Variants in ESRRG observed in about 807,000 individuals in gnomAD.
ESRRG encodes estrogen-related receptor gamma.
In ESRRG, 13 loss-of-function variants were observed where a neutral mutation model predicts 44.0. The observed-to-expected ratio is 0.30, with a 90% CI of 0.19 to 0.47. The LOEUF (loss-of-function observed/expected upper bound fraction) is 0.47, where lower values mean the gene tolerates loss of function less well. Among genes scored for constraint, ESRRG ranks in the 20% least tolerant of loss-of-function variants. The pLI, the probability that ESRRG is intolerant of heterozygous loss-of-function variation, is 1.00. For missense variants in ESRRG, 395 were observed against 580.6 expected, an observed-to-expected ratio of 0.68 and a Z score of 3.29; for synonymous variants, 215 against 214.6, an observed-to-expected ratio of 1.00 and a Z score of -0.02.
intron 2 of ESRRG, among the ~76,000 whole-genome samples, chr1:216,850,400 G>T (rs1391128512): frequency 6.6e-6 from 1 of 151,904 alleles, no homozygotes; most frequent in East Asian, 1.9e-4. Flanking sequence ...TATTATTTTT[G>T]GTGTGAGTGA....
chr1:217,088,242 A>G (rs1009291877), intron 1 of ESRRG, among the ~76,000 whole-genome samples: 6 of 152,138 alleles, frequency 3.9e-5, no homozygotes, highest in Non-Finnish European at 5.9e-5. Flanking sequence ...AACTAGACCA[A>G]GTCATTCAGC....
intron 2 of ESRRG, among the ~76,000 whole-genome samples, chr1:216,735,856 G>A (rs980460932): frequency 2.0e-5 from 3 of 151,518 alleles, no homozygotes; most frequent in African/African-American, 4.8e-5. Flanking sequence ...GTGCACCCCT[G>A]TAATCCCAAC....
intron 2 of ESRRG, among the ~76,000 whole-genome samples, chr1:216,875,333 C>G (rs1484176530): frequency 6.6e-6 from 1 of 152,164 alleles, no homozygotes; most frequent in Non-Finnish European, 1.5e-5. Flanking sequence ...ACCTGATCTA[C>G]ATATAAAGTA....
chr1:217,006,219 CTTAAAAA>C lies in ESRRG; in HGVS notation c.-105-66553_-105-66547del, dbSNP rs2077713867. 2.0e-5 allele frequency among the ~76,000 whole-genome samples: 3 copies of C among 152,092 alleles called. 1 individual carries two copies. The South Asian group carries it at 6.2e-4, about 32-fold the overall frequency. ...ATGCTAAGAATGAATTTATAAATCA[CTTAAAAA>C]TGTTAAAAAGTAAAATGTAACTGAA... On this transcript the variant is annotated intron_variant, in intron 1 of 7. Coordinates refer to the ESRRG transcript ENST00000359162.
At chr1:217,030,304 A>G (rs2081890117) in intron 1 of ESRRG, among the ~76,000 whole-genome samples, 1 of 152,190 alleles carries the variant, frequency 6.6e-6, no homozygotes, top group South Asian at 2.1e-4. Flanking sequence ...GCAGCAGACC[A>G]TAAGTAGAAC....
At chr1:216,781,931 A>G (rs547867045) in intron 2 of ESRRG, among the ~76,000 whole-genome samples, 378 of 152,146 alleles carry the variant, frequency 2.5e-3, no homozygotes, top group African/African-American at 8.6e-3. Flanking sequence ...TCTGATTGAA[A>G]AGTCTGAAGG....
intron 1 of ESRRG, among the ~76,000 whole-genome samples, chr1:216,687,290 G>A (rs1359218126): frequency 1.3e-5 from 2 of 151,992 alleles, no homozygotes; most frequent in South Asian, 2.1e-4. Context: ...AGGCGTTGGC[G>A]GAAGGGCAAT....
At chr1:216,513,255 T>C (rs2043239283) in intron 6 of ESRRG, among the ~76,000 whole-genome samples, 1 of 152,098 alleles carries the variant, frequency 6.6e-6, no homozygotes. Context: ...TGGTCTCTTC[T>C]AGAAAGTAAT....
intron 1 of ESRRG, among the ~76,000 whole-genome samples, chr1:216,694,346 T>G (rs542695181): frequency 3.9e-5 from 6 of 152,018 alleles, no homozygotes; most frequent in African/African-American, 9.7e-5. Flanking sequence ...GAGGGGGTGG[T>G]GCTGAAGAAT....
chr1:216,735,713 G>A (rs528922536), intron 2 of ESRRG, among the ~76,000 whole-genome samples: 20 of 152,018 alleles, frequency 1.3e-4, no homozygotes, highest in South Asian at 8.4e-4. Context: ...GGGAGTGGTG[G>A]TTCATGCCTG....
At chr1:217,044,459 C>T (rs1001869632) in intron 1 of ESRRG, among the ~76,000 whole-genome samples, 2 of 152,142 alleles carry the variant, frequency 1.3e-5, no homozygotes, top group Non-Finnish European at 2.9e-5. Context: ...TAATGTGACC[C>T]ATTCCTGGAA....
At chr1:216,573,237 T>A (rs926572408) in intron 3 of ESRRG, among the ~76,000 whole-genome samples, 3 of 151,964 alleles carry the variant, frequency 2.0e-5, no homozygotes, top group Non-Finnish European at 4.4e-5. Context: ...TTATCTTAAA[T>A]CCTTTATCTT....
At chr1:216,640,984 C>A (rs929434501) in intron 3 of ESRRG, among the ~76,000 whole-genome samples, 1 of 152,120 alleles carries the variant, frequency 6.6e-6, no homozygotes, top group Non-Finnish European at 1.5e-5. Flanking sequence ...CTAAATCCAT[C>A]AGGGATTTTT....
intron 2 of ESRRG, among the ~76,000 whole-genome samples, chr1:216,897,866 C>T (rs1343161773): frequency 6.6e-6 from 1 of 152,050 alleles, no homozygotes; most frequent in South Asian, 2.1e-4. Context: ...TATTGGTGTA[C>T]CCAGATGGGC....
intron 5 of ESRRG, among the ~76,000 whole-genome samples, chr1:216,541,063 T>G (rs2052570727): frequency 6.6e-6 from 1 of 152,024 alleles, no homozygotes; most frequent in Admixed American, 6.6e-5. Context: ...CTTCCAAGTT[T>G]TATTAATTAG....
At chr1:216,881,248 A>G (rs1265183756) in intron 2 of ESRRG, among the ~76,000 whole-genome samples, 7 of 152,164 alleles carry the variant, frequency 4.6e-5, no homozygotes, top group Non-Finnish European at 7.3e-5. Context: ...CCAGATGTAT[A>G]AAGACTACAG....
intron 2 of ESRRG, among the ~76,000 whole-genome samples, chr1:216,782,904 T>A (rs2093985854): frequency 6.6e-6 from 1 of 152,056 alleles, no homozygotes; most frequent in Non-Finnish European, 1.5e-5. Context: ...TAATAGGTAT[T>A]CAATCTTTTG....
intron 1 of ESRRG, among the ~76,000 whole-genome samples, chr1:217,070,344 T>G (rs2090393586): frequency 6.6e-6 from 1 of 152,196 alleles, no homozygotes; most frequent in Admixed American, 6.5e-5. Context: ...TATGTCTATA[T>G]TTGCAAAAGT....
chr1:216,989,234 C>A (rs1361829985), intron 1 of ESRRG, among the ~76,000 whole-genome samples: 3 of 151,624 alleles, frequency 2.0e-5, no homozygotes, highest in Non-Finnish European at 4.4e-5. Flanking sequence ...ATTGTTTGAG[C>A]CCCAGAGATT....
Sources: allele counts gnomAD v4.1 joint callset (sites outside exome capture counted in the v4.1 genomes callset), GRCh38; gene constraint gnomAD v4.1.1; transcripts MANE v1.5; gene names NCBI Gene and HGNC (gene_info 2026-07-23, HGNC 2026-07-21).